CATSPERT: variants seen among roughly 807,000 people sequenced by gnomAD.
CATSPERT encodes catsper channel auxiliary subunit tau, also known as cation channel sperm-associated targeting subunit tau.
the CATSPERT span, among the ~76,000 whole-genome samples, chr2:201,601,411 G>C: frequency 6.6e-6 from 1 of 151,492 alleles, no homozygotes; most frequent in Non-Finnish European, 1.5e-5. Context: ...AAAGGAGATG[G>C]GAAAAACTCT....
the CATSPERT span, chr2:201,493,155 T>C: frequency 1.3e-6 from 2 of 1,526,550 alleles, no homozygotes; most frequent in Non-Finnish European, 8.8e-7. Flanking sequence ...TTTCATCTGA[T>C]TCACTAAGTT....
the CATSPERT span, chr2:201,494,799 G>T: frequency 6.9e-7 from 1 of 1,448,232 alleles, no homozygotes; most frequent in Non-Finnish European, 9.0e-7. Context: ...TGGTAGCAAT[G>T]ATTTTGAATT....
At chr2:201,508,251 A>G in the CATSPERT span, among the ~76,000 whole-genome samples, 2 of 152,248 alleles carry the variant, frequency 1.3e-5, no homozygotes, top group Non-Finnish European at 2.9e-5. Context: ...GAACTATAGG[A>G]CAATATGACA....
the CATSPERT span, among the ~76,000 whole-genome samples, chr2:201,497,813 T>G: frequency 6.6e-6 from 1 of 152,194 alleles, no homozygotes; most frequent in Non-Finnish European, 1.5e-5. Flanking sequence ...GATGGCAGAC[T>G]GAACATGTGA....
the CATSPERT span, chr2:201,492,343 A>G: frequency 6.5e-7 from 1 of 1,535,682 alleles, no homozygotes; most frequent in Non-Finnish European, 8.7e-7. Flanking sequence ...TGATTTTGAA[A>G]GTTTTTCTAT....
the CATSPERT span, among the ~76,000 whole-genome samples, chr2:201,507,451 T>C: frequency 1.5e-4 from 23 of 152,366 alleles, no homozygotes; most frequent in South Asian, 4.1e-3. Context: ...CTCAGAGTTA[T>C]AGAACTTGCC....
chr2:201,504,641 C>T, the CATSPERT span, among the ~76,000 whole-genome samples: 4 of 152,214 alleles, frequency 2.6e-5, no homozygotes, highest in Non-Finnish European at 5.9e-5. Context: ...GACCCAGGGA[C>T]TGACGGACTG....
the CATSPERT span, among the ~76,000 whole-genome samples, chr2:201,611,777 A>C: frequency 1.3e-5 from 2 of 152,304 alleles, no homozygotes; most frequent in African/African-American, 4.8e-5. Context: ...CTAACAATTA[A>C]AGGATTTTTG....
chr2:201,540,690 G>C, the CATSPERT span, among the ~76,000 whole-genome samples: 11 of 152,200 alleles, frequency 7.2e-5, no homozygotes, highest in Non-Finnish European at 1.5e-4. Context: ...CAAGAGCTCT[G>C]ATGGAAATGT....
At chr2:201,618,432 C>G in the CATSPERT span, among the ~76,000 whole-genome samples, 1 of 151,832 alleles carries the variant, frequency 6.6e-6, no homozygotes, top group Non-Finnish European at 1.5e-5. Context: ...AAGCTGGAAA[C>G]CATCATTCTC....
At chr2:201,582,282 C>T in the CATSPERT span, 1 of 1,415,674 alleles carries the variant, frequency 7.1e-7, no homozygotes, top group Non-Finnish European at 9.6e-7. Context: ...TGAACACATA[C>T]ATCCAATATA....
the CATSPERT span, among the ~76,000 whole-genome samples, chr2:201,508,230 G>T: frequency 6.6e-6 from 1 of 152,208 alleles, no homozygotes; most frequent in African/African-American, 2.4e-5. Context: ...AGCCTTTTAT[G>T]TAAACTGAGA....
At chr2:201,494,588 C>G in the CATSPERT span, 1 of 1,537,194 alleles carries the variant, frequency 6.5e-7, no homozygotes, top group Non-Finnish European at 8.7e-7. Flanking sequence ...TTAGCAGGTC[C>G]TGCAGTTTTT....
At chr2:201,505,930 C>A in the CATSPERT span, among the ~76,000 whole-genome samples, 1 of 152,086 alleles carries the variant, frequency 6.6e-6, no homozygotes, top group Non-Finnish European at 1.5e-5. Flanking sequence ...TACAGTTATT[C>A]CAAAATTAAA....
chr2:201,605,547 T>TA, the CATSPERT span, among the ~76,000 whole-genome samples: 17 of 151,366 alleles, frequency 1.1e-4, no homozygotes, highest in South Asian at 2.1e-4. Context: ...TTCATCCATT[T>TA]AAAAAAAAAC....
chr2:201,515,202 G>GTTTTTTTTTTTTTTTTTTTTTTT, the CATSPERT span, among the ~76,000 whole-genome samples: 8 of 24,656 alleles, frequency 3.2e-4, 4 homozygotes, highest in African/African-American at 1.5e-3. Context: ...TCTGCCCATA[G>GTTTTTTTTTTTTTTTTTTTTTTT]TTTTTTTTTT....
the CATSPERT span, among the ~76,000 whole-genome samples, chr2:201,603,042 C>T: frequency 6.6e-6 from 1 of 152,080 alleles, no homozygotes; most frequent in African/African-American, 2.4e-5. Flanking sequence ...AACTGTCAGA[C>T]AACAGCCCAA....
At chr2:201,522,992 C>G in the CATSPERT span, among the ~76,000 whole-genome samples, 1 of 152,160 alleles carries the variant, frequency 6.6e-6, no homozygotes, top group Admixed American at 6.5e-5. Context: ...AAGCCACTGC[C>G]ATAGCTCTTT....
chr2:201,582,531 AG>A, the CATSPERT span, among the ~76,000 whole-genome samples: 2 of 152,274 alleles, frequency 1.3e-5, no homozygotes, highest in Admixed American at 1.3e-4. Context: ...ACTACACAAA[AG>A]TTCACCCTCA....
Sources: gnomAD v4.1 joint callset for allele counts (sites outside exome capture counted in the v4.1 genomes callset) on GRCh38, gnomAD v4.1.1 for gene constraint, MANE v1.5 for transcripts, NCBI Gene and HGNC (gene_info 2026-07-23, HGNC 2026-07-21) for gene names.